Variants in MUC15 observed in about 807,000 individuals in gnomAD.
MUC15 encodes the protein mucin-15.
MUC15 carries 23 observed loss-of-function variants against 24.0 expected under a neutral mutation model. The ratio of observed to expected loss-of-function variants is 0.96; its 90% CI spans 0.69 to 1.36. The LOEUF (loss-of-function observed/expected upper bound fraction) is 1.36. Ranked by LOEUF, MUC15 falls within the 40% of genes most tolerant of loss-of-function variation. The pLI is 0.00. For missense variants in MUC15, 442 were observed against 428.2 expected (o/e 1.03, Z -0.29); for synonymous variants, 151 against 156.3 (o/e 0.97, Z 0.25).
At chr11:26,564,773 A>T (rs552657686) in intron 3 of MUC15, among the ~76,000 whole-genome samples, 4 of 103,608 alleles carry the variant, frequency 3.9e-5, no homozygotes, top group Admixed American at 9.5e-5. Flanking sequence ...ATATATATAT[A>T]TATATATATA....
Position 26,567,143 on chromosome 11 carries a change from GA to G in MUC15, c.-45-5del. ...TCACAATGGCTAGTAACAGAAGCTG[GA>G]AAATGGAAGAGGCAATATTTAAAGC... is the stretch of plus-strand genomic sequence containing the variant. On this transcript the variant is annotated splice_polypyrimidine_tract_variant and splice_region_variant and intron_variant, in intron 1 of 4. Coordinates refer to ENST00000529533, the MANE Select transcript of MUC15 (RefSeq NM_001135091.2). The G allele has an allele frequency of 2.1e-6, 3 of 1,397,030 alleles. No individual in the cohort carries two copies. The highest frequency in any genetic ancestry group is 2.8e-5 in the Admixed American group (1 of 35,830). The allele number at this position is 1,397,030 out of a possible 1,614,324, so 86.5% of individuals were successfully genotyped here. A position where few individuals can be genotyped will look rare whatever the true frequency, so the allele number is the denominator to read the frequency against.
chr11:26,565,998 G>T, intron 2 of MUC15, 102 bp from the exon 3 acceptor site: 1 of 1,168,106 alleles, frequency 8.6e-7, no homozygotes, highest in African/African-American at 1.6e-5. Context: ...ACATAATATA[G>T]AGATGGTAAT....
intron 4 of MUC15, among the ~76,000 whole-genome samples, chr11:26,562,380 A>G (rs1356335673): frequency 6.6e-6 from 1 of 151,940 alleles, no homozygotes; most frequent in African/African-American, 2.4e-5. Flanking sequence ...GCATTTAATT[A>G]TTTGTTATGG....
At chr11:26,568,406 A>G (rs1850680999) in intron 1 of MUC15, among the ~76,000 whole-genome samples, 1 of 151,866 alleles carries the variant, frequency 6.6e-6, no homozygotes, top group African/African-American at 2.4e-5. Flanking sequence ...TCATGTTTGT[A>G]ACATAAGTTG....
At chr11:26,565,987 G>T (rs1357490497) in intron 2 of MUC15, 91 bp from the exon 3 acceptor site, 1 of 1,239,412 alleles carries the variant, frequency 8.1e-7, no homozygotes, top group Non-Finnish European at 1.1e-6. Flanking sequence ...TAAAAATCTA[G>T]ACATAATATA....
At position 26,563,134 on chromosome 11, in the gene MUC15, C is replaced by A. The variant is rs770056532; in HGVS notation, c.907G>T (p.Asp303Tyr). Reference sequence around the variant, plus strand: ...ATTTTACCTGGTTCATTTCTGTCGTCATAAAGTCGCCGATGGGAAAATGAA... The same window carrying A: ...ATTTTACCTGGTTCATTTCTGTCGTAATAAAGTCGCCGATGGGAAAATGAA... The part of the protein sequence containing the change: ...TDSFSHRRLY[D>Y]DRNEPVLRLD... Residue 303 changes from aspartate (D) to tyrosine (Y), a missense_variant, in exon 4 of 5, where the codon GAC (aspartate) becomes TAC (tyrosine). By Grantham distance (160) the Asp-to-Tyr change is radical. Transcript: ENST00000529533. 1.3e-5 allele frequency: 21 copies of A among 1,611,870 alleles called. No homozygotes were observed. In the Middle Eastern group the frequency reaches 8.2e-4, roughly 63 times the overall value.
In MUC15 at chr11:26,565,652, C is replaced by T. The variant is rs367651924; in HGVS notation, c.288G>A (p.Ala96=). 6 of 1,608,408 alleles carry T rather than the reference C, an allele frequency of 3.7e-6. No individual in the cohort carries two copies. Among genetic ancestry groups the T allele is most frequent in the East Asian group, 2.2e-5 (1 of 44,792 alleles). The stretch of plus-strand genomic sequence containing the variant: ...GTAGATTCAAAGGAGGGGAATGACT[C>T]GCCTTGAGATTTGAGGTGGTTATAT... The part of the protein sequence containing the change: ...KENITTSNLK[A]SHSPPLNLPN... Residue 96 remains alanine, a synonymous_variant, in exon 3 of 5, where the codon GCG becomes GCA. Coordinates refer to ENST00000529533, the MANE Select transcript of MUC15 (RefSeq NM_001135091.2).
chr11:26,568,584 A>T (rs1248256182), intron 1 of MUC15, among the ~76,000 whole-genome samples: 1 of 151,996 alleles, frequency 6.6e-6, no homozygotes, highest in African/African-American at 2.4e-5. Context: ...CAAAGGACCC[A>T]TTAAATACAC....
intron 3 of MUC15, among the ~76,000 whole-genome samples, 171 bp from the exon 4 acceptor site, chr11:26,563,436 G>T (rs1213297400): frequency 7.8e-6 from 1 of 128,994 alleles, no homozygotes; most frequent in Non-Finnish European, 1.7e-5. Context: ...TGTGTGTCTT[G>T]TAAAGTACTA....
intron 1 of MUC15, among the ~76,000 whole-genome samples, chr11:26,568,472 G>GTTT (rs35237782): frequency 2.0e-5 from 3 of 150,410 alleles, no homozygotes; most frequent in African/African-American, 4.9e-5. Flanking sequence ...TCCTACCATA[G>GTTT]TTTTTTTTTT....
Position 26,559,832 on chromosome 11 carries a change from TG to T in MUC15, c.*1232del. 3.9e-6 allele frequency: 4 copies of T among 1,029,292 alleles called. No individual in the cohort carries two copies. The highest frequency in any genetic ancestry group is 3.0e-6 in the Non-Finnish European group (2 of 669,682). The allele number at this position is 1,029,292 out of a possible 1,614,324, so 63.8% of individuals were successfully genotyped here. ...CCCTTATTTTCTGAAGCTGTTTCTGTGTTACACACACACACACACACACACA... is the reference window on the plus strand; with the variant it reads ...CCCTTATTTTCTGAAGCTGTTTCTGTTTACACACACACACACACACACACA... On this transcript the variant is annotated 3_prime_UTR_variant, in exon 5 of 5. Transcript: ENST00000529533.
intron 1 of MUC15, among the ~76,000 whole-genome samples, chr11:26,569,765 G>T (rs114437471): frequency 3.4e-4 from 52 of 152,170 alleles, no homozygotes; most frequent in African/African-American, 1.2e-3. Context: ...TTATATACTT[G>T]CTTTATAAAG....
Position 26,563,105 on chromosome 11 carries a change from A to G in MUC15, c.925+11T>C. The G allele has an allele frequency of 6.2e-7, 1 of 1,610,702 alleles. No homozygotes were observed. The highest frequency in any genetic ancestry group is 1.1e-5 in the South Asian group (1 of 90,802). ...ACTGTGCCCAGGTGAAGTATTGAAA[A>G]TAGATTTTACCTGGTTCATTTCTGT... On this transcript the variant is annotated intron_variant, in intron 4 of 4. Transcript: ENST00000529533.
chr11:26,567,742 G>A (rs553026359), intron 1 of MUC15, among the ~76,000 whole-genome samples: 1 of 151,790 alleles, frequency 6.6e-6, no homozygotes, highest in Non-Finnish European at 1.5e-5. Context: ...CATTCATAGC[G>A]GCATTATTTA....
Position 26,560,147 on chromosome 11 carries a change from CTT to C in MUC15, c.*916_*917del. ...AAAGTTGTTTGATATTTCCATTCAT[CTT>C]TTTTAACCTTATGGTTCATACATTT... On this transcript the variant is annotated 3_prime_UTR_variant, in exon 5 of 5. Coordinates refer to ENST00000529533, the MANE Select transcript of MUC15 (RefSeq NM_001135091.2). 5.4e-6 allele frequency: 1 copy of C among 185,674 alleles called. No homozygotes were observed. Among genetic ancestry groups the C allele is most frequent in the Non-Finnish European group, 1.1e-5 (1 of 88,908 alleles). 11.5% of individuals were successfully genotyped at this position (185,674 alleles called of 1,614,324 possible).
At position 26,565,893 on chromosome 11, in the gene MUC15, G is replaced by C. The variant is rs1440033037; in HGVS notation, c.47C>G (p.Ser16Cys). The change falls in exon 3 of 5, where the codon TCC (serine) becomes TGC (cysteine). Residue 16 changes from serine (S) to cysteine (C), a missense_variant. Physicochemically the swap from Ser to Cys is moderately radical, Grantham distance 112. Transcript: ENST00000529533. ...CTTTGGTATTGGTTTTTTTTTAAAGGAATCTGAAAGAAAATAACCATAATT... is the reference window on the plus strand; with the variant it reads ...CTTTGGTATTGGTTTTTTTTTAAAGCAATCTGAAAGAAAATAACCATAATT... ...SILATSRDCY[S>C]FKKKPIPKKP... 5 of 1,570,050 alleles carry C rather than the reference G, an allele frequency of 3.2e-6. No individual in the cohort carries two copies. The highest frequency in any genetic ancestry group is 4.2e-5 in the Admixed American group (2 of 47,196).
At chr11:26,564,820 A>C (rs1445372479) in intron 3 of MUC15, among the ~76,000 whole-genome samples, 2 of 131,660 alleles carry the variant, frequency 1.5e-5, no homozygotes, top group Non-Finnish European at 1.6e-5. Context: ...GAGCATGTGA[A>C]ATTTCAGGTA....
At position 26,572,151 on chromosome 11, in the gene MUC15, C is replaced by G. The variant is rs528504400; in HGVS notation, c.-156G>C. On this transcript the variant is annotated 5_prime_UTR_variant, in exon 1 of 5. Transcript: ENST00000529533. ...ACAGATGGGTTAAGTGTGACAATGTCGCACTGAGCAGGAGGGTGCCAGGGA... is the reference window on the plus strand; with the variant it reads ...ACAGATGGGTTAAGTGTGACAATGTGGCACTGAGCAGGAGGGTGCCAGGGA... 3 of 985,194 alleles carry G rather than the reference C, an allele frequency of 3.0e-6. No homozygotes were observed. Among genetic ancestry groups the G allele is most frequent in the Non-Finnish European group, 3.6e-6 (3 of 829,940 alleles). The allele number at this position is 985,194 out of a possible 1,614,324, so 61.0% of individuals were successfully genotyped here. A position where few individuals can be genotyped will look rare whatever the true frequency, so the allele number is the denominator to read the frequency against.
intron 3 of MUC15, among the ~76,000 whole-genome samples, chr11:26,564,768 T>TCTG (rs1237188425): frequency 0.035 from 3,714 of 106,714 alleles, 257 homozygotes; most frequent in Non-Finnish European, 0.056. Flanking sequence ...TATATATATA[T>TCTG]ATATATATAT....
Sources: allele counts gnomAD v4.1 joint callset (sites outside exome capture counted in the v4.1 genomes callset), GRCh38; gene constraint gnomAD v4.1.1; transcripts MANE v1.5; gene names NCBI Gene and HGNC (gene_info 2026-07-23, HGNC 2026-07-21).